The following AMPH variants were observed in gnomAD, a reference collection of about 807,000 sequenced individuals.
AMPH encodes the protein amphiphysin (Stiff-Mann syndrome with breast cancer 128kD autoantigen).
Under a neutral mutation model 99.1 loss-of-function variants are expected in AMPH, and 49 were observed. The ratio of observed to expected loss-of-function variants is 0.49; its 90% CI spans 0.39 to 0.63. The LOEUF is 0.63. Among genes scored for constraint, AMPH ranks in the 20% least tolerant of loss-of-function variants. The pLI is 0.00. For synonymous variants in AMPH, 314 were observed against 317.3 expected (o/e 0.99, Z 0.11); for missense variants, 759 against 863.4 (o/e 0.88, Z 1.52).
chr7:38,385,661 TTGTC>T (rs1258516072), intron 20 of AMPH, among the ~76,000 whole-genome samples: 6 of 152,184 alleles, frequency 3.9e-5, no homozygotes, highest in African/African-American at 1.4e-4. Flanking sequence ...TCATAAACAT[TTGTC>T]TGTCATATAG....
intron 1 of AMPH, among the ~76,000 whole-genome samples, chr7:38,549,295 T>C (rs1419409772): frequency 6.6e-6 from 1 of 152,234 alleles, no homozygotes; most frequent in Non-Finnish European, 1.5e-5. Flanking sequence ...CCATTGAGAA[T>C]GCAAGGCAAT....
intron 10 of AMPH, 38 bp downstream of exon 10, chr7:38,462,937 A>G: frequency 6.6e-7 from 1 of 1,514,086 alleles, no homozygotes; most frequent in Non-Finnish European, 8.8e-7. Context: ...TCATCTCATC[A>G]TGAGCTCTAT....
Position 38,503,637 on chromosome 7 carries a change from T to C in AMPH, c.205+13A>G. On this transcript the variant is annotated intron_variant, in intron 3 of 20. Coordinates refer to ENST00000356264, the MANE Select transcript of AMPH (RefSeq NM_001635.4). ...TGCTAAGTAACATGCAGTAAACAAC[T>C]CATACACATTACCTTTGATTGCTGC... The C allele has an allele frequency of 6.2e-7, 1 of 1,613,002 alleles. No homozygotes were observed. The highest frequency in any genetic ancestry group is 8.5e-7 in the Non-Finnish European group (1 of 1,179,094).
At chr7:38,540,692 C>CAAAA (rs373768495) in intron 1 of AMPH, among the ~76,000 whole-genome samples, 833 of 19,756 alleles carry the variant, frequency 0.042, 388 homozygotes, top group Admixed American at 0.057. Flanking sequence ...TGACCCCAAG[C>CAAAA]AAAAAAAAAA....
chr7:38,456,631 A>C (rs958611902), intron 11 of AMPH, among the ~76,000 whole-genome samples: 1 of 152,020 alleles, frequency 6.6e-6, no homozygotes, highest in Non-Finnish European at 1.5e-5. Context: ...TATCACCAAC[A>C]CCAGAGTGGA....
chr7:38,564,755 GCTA>G, intron 1 of AMPH, among the ~76,000 whole-genome samples: 1 of 152,258 alleles, frequency 6.6e-6, no homozygotes, highest in South Asian at 2.1e-4. Context: ...ATTAAGAATG[GCTA>G]TTTGTAGGTC....
intron 17 of AMPH, among the ~76,000 whole-genome samples, chr7:38,409,557 G>A (rs934126353): frequency 1.3e-5 from 2 of 152,098 alleles, no homozygotes; most frequent in East Asian, 1.9e-4. Context: ...ACTTGATACC[G>A]CAAATTTCAT....
rs536377796 is a variant in AMPH, at chr7:38,499,972, C to T, written c.205+3678G>A. On this transcript the variant is annotated intron_variant, in intron 3 of 20. Coordinates refer to ENST00000356264, the MANE Select transcript of AMPH (RefSeq NM_001635.4). ...CTTTGCCTTTGCCATGATTGTGAGGCCTCTGCAGCCATGTGGAACTGTGAG... is the reference window on the plus strand; with the variant it reads ...CTTTGCCTTTGCCATGATTGTGAGGTCTCTGCAGCCATGTGGAACTGTGAG... Among the ~76,000 whole-genome samples the T allele has an allele frequency of 4.3e-4, 66 of 152,316 alleles. 2 individuals are homozygous for T. In the South Asian group the frequency reaches 0.013, roughly 31 times the overall value.
At chr7:38,613,804 CAAA>C (rs71558128) in intron 1 of AMPH, among the ~76,000 whole-genome samples, 335 of 144,810 alleles carry the variant, frequency 2.3e-3, no homozygotes, top group African/African-American at 7.8e-3. Flanking sequence ...GAATAAAAGC[CAAA>C]AAAAAAAAAA....
intron 1 of AMPH, among the ~76,000 whole-genome samples, chr7:38,580,505 A>G (rs1202766465): frequency 6.6e-6 from 1 of 152,068 alleles, no homozygotes; most frequent in African/African-American, 2.4e-5. Context: ...ACGTCCTCCC[A>G]TATCAAGCCT....
chr7:38,422,865 C>A (rs1272632813), intron 15 of AMPH, among the ~76,000 whole-genome samples: 1 of 152,190 alleles, frequency 6.6e-6, no homozygotes, highest in African/African-American at 2.4e-5. Flanking sequence ...AGCAAACTGC[C>A]GAGCTTGGCC....
intron 18 of AMPH, among the ~76,000 whole-genome samples, chr7:38,392,239 T>C (rs1405780638): frequency 4.6e-5 from 7 of 151,822 alleles, no homozygotes; most frequent in African/African-American, 1.7e-4. Context: ...GATCCTTGAA[T>C]AGCCAGGCAG....
chr7:38,618,147 A>T (rs1379662462), intron 1 of AMPH, among the ~76,000 whole-genome samples: 2 of 152,228 alleles, frequency 1.3e-5, no homozygotes, highest in Non-Finnish European at 2.9e-5. Context: ...ATGCAGTAAC[A>T]ACATAGGTTA....
At chr7:38,404,731 GA>G (rs1419536142) in intron 17 of AMPH, among the ~76,000 whole-genome samples, 1 of 152,166 alleles carries the variant, frequency 6.6e-6, no homozygotes. Flanking sequence ...AATACAAAAA[GA>G]CAGAGTGTTT....
chr7:38,604,855 C>G (rs976459601), intron 1 of AMPH, among the ~76,000 whole-genome samples: 1 of 152,154 alleles, frequency 6.6e-6, no homozygotes, highest in African/African-American at 2.4e-5. Context: ...CTAAGAACAG[C>G]ATTTTCCTTC....
intron 1 of AMPH, among the ~76,000 whole-genome samples, chr7:38,587,551 T>C (rs1792701070): frequency 6.6e-6 from 1 of 152,200 alleles, no homozygotes; most frequent in Admixed American, 6.5e-5. Flanking sequence ...GAAAGCACTA[T>C]GTTATAACCT....
At chr7:38,412,466 T>C (rs1482289731) in intron 17 of AMPH, among the ~76,000 whole-genome samples, 1 of 152,200 alleles carries the variant, frequency 6.6e-6, no homozygotes. Flanking sequence ...GCAGGGAAGA[T>C]GCCGCTACTA....
chr7:38,459,843 G>T (rs1787373577), intron 11 of AMPH, among the ~76,000 whole-genome samples: 1 of 151,936 alleles, frequency 6.6e-6, no homozygotes, highest in African/African-American at 2.4e-5. Flanking sequence ...TAGAAAAAAT[G>T]AGGCTATATT....
At chr7:38,580,881 T>A (rs1394826543) in intron 1 of AMPH, among the ~76,000 whole-genome samples, 1 of 152,198 alleles carries the variant, frequency 6.6e-6, no homozygotes, top group Non-Finnish European at 1.5e-5. Flanking sequence ...CAAAGTCACA[T>A]CTTATTACAA....
Sources: gnomAD v4.1 joint callset for allele counts (sites outside exome capture counted in the v4.1 genomes callset) on GRCh38, gnomAD v4.1.1 for gene constraint, MANE v1.5 for transcripts, NCBI Gene and HGNC (gene_info 2026-07-23, HGNC 2026-07-21) for gene names.